The following LIPM variants were observed in gnomAD, a reference collection of about 807,000 sequenced individuals.
LIPM encodes the protein lipase member M.
In LIPM, 42 loss-of-function variants were observed where a neutral mutation model predicts 42.4. That is an observed-to-expected ratio of 0.99 (90% confidence interval 0.77 to 1.28). The LOEUF (loss-of-function observed/expected upper bound fraction) is 1.28, where lower values mean the gene tolerates loss of function less well. Among genes scored for constraint, LIPM ranks in the 50% most tolerant of loss-of-function variants. The pLI, the probability that LIPM is intolerant of heterozygous loss-of-function variation, is 0.00. For missense variants in LIPM, 524 were observed against 520.1 expected, an observed-to-expected ratio of 1.01 and a Z score of -0.07; for synonymous variants, 177 against 173.3, an observed-to-expected ratio of 1.02 and a Z score of -0.17.
chr10:88,808,244 T>G, intron 1 of LIPM, 54 bp from the exon 2 acceptor site: 62 of 990,004 alleles, frequency 6.3e-5, no homozygotes, highest in Non-Finnish European at 8.8e-5. Context: ...TTTGGATCAT[T>G]GAGAATATGG....
intron 1 of LIPM, among the ~76,000 whole-genome samples, chr10:88,807,365 C>T (rs2133051932): frequency 6.6e-6 from 1 of 152,166 alleles, no homozygotes; most frequent in East Asian, 1.9e-4. Flanking sequence ...TTGTTTTTGC[C>T]CTATATTCTA....
chr10:88,813,031 A>T, intron 2 of LIPM, 66 bp from the exon 3 acceptor site: 1 of 1,321,772 alleles, frequency 7.6e-7, no homozygotes, highest in African/African-American at 1.5e-5. Context: ...GAAAGCTCTT[A>T]TTCATTACTG....
chr10:88,815,041 T>C, intron 4 of LIPM, 47 bp from the exon 5 acceptor site: 2 of 1,494,064 alleles, frequency 1.3e-6, no homozygotes, highest in Non-Finnish European at 1.8e-6. Flanking sequence ...ATTTTATGAG[T>C]TCTAAAAATA....
At chr10:88,805,502 T>A (rs984337002) in intron 1 of LIPM, among the ~76,000 whole-genome samples, 4 of 152,206 alleles carry the variant, frequency 2.6e-5, no homozygotes, top group Non-Finnish European at 4.4e-5. Flanking sequence ...ATAGAAAATT[T>A]AAAAAATACA....
rs1275312442 is a variant in LIPM, at chr10:88,815,213, A to G, written c.700A>G (p.Met234Val). ...PGTKFLLLPD[M>V]MIKGLFGKKE... Reference sequence around the variant, plus strand: ...GACCAAATTTTTGTTGCTGCCAGATATGATGATCAAGGTATGAGACTCCTC... The same window carrying G: ...GACCAAATTTTTGTTGCTGCCAGATGTGATGATCAAGGTATGAGACTCCTC... Residue 234 changes from methionine (M) to valine (V), a missense_variant, in exon 5 of 9, where the codon ATG becomes GTG. Physicochemically the swap from Met to Val is conservative, Grantham distance 21. Transcript: ENST00000404743. The G allele has an allele frequency of 1.9e-6, 3 of 1,551,896 alleles. No individual in the cohort carries two copies. Among genetic ancestry groups the G allele is most frequent in the Admixed American group, 2.0e-5 (1 of 50,984 alleles).
chr10:88,810,892 T>G (rs112141895), intron 2 of LIPM, among the ~76,000 whole-genome samples: 4,072 of 152,274 alleles, frequency 0.027, 197 homozygotes, highest in African/African-American at 0.092. Flanking sequence ...TCACCTTGGT[T>G]TGATTGTCCT....
At chr10:88,813,368 C>T (rs1589315520) in intron 3 of LIPM, 73 bp downstream of exon 3, 1 of 1,250,464 alleles carries the variant, frequency 8.0e-7, no homozygotes. Flanking sequence ...ATTACGGCTT[C>T]TAGTATTTGG....
chr10:88,819,765 G>T (rs1448918410), intron 8 of LIPM, among the ~76,000 whole-genome samples: 2 of 152,184 alleles, frequency 1.3e-5, no homozygotes, highest in South Asian at 2.1e-4. Context: ...CTGCCTCAAA[G>T]GCTGCCTGGG....
chr10:88,817,985 G>A (rs1843738364), intron 8 of LIPM, 89 bp downstream of exon 8: 5 of 1,024,606 alleles, frequency 4.9e-6, no homozygotes, highest in Non-Finnish European at 7.3e-6. Context: ...CTAGATATGG[G>A]AATAAAATAT....
At chr10:88,807,087 T>A (rs1256038698) in intron 1 of LIPM, among the ~76,000 whole-genome samples, 1 of 152,198 alleles carries the variant, frequency 6.6e-6, no homozygotes, top group Non-Finnish European at 1.5e-5. Context: ...TGAGTTTTAA[T>A]TATAGTGGTA....
chr10:88,813,707 C>G (rs145793465), intron 3 of LIPM, among the ~76,000 whole-genome samples: 1 of 151,928 alleles, frequency 6.6e-6, no homozygotes, highest in Non-Finnish European at 1.5e-5. Context: ...AAGAACTGCC[C>G]GAGACTAAGT....
In LIPM at chr10:88,820,084, A is replaced by G. The variant is rs375499409; in HGVS notation, c.1003-148A>G. 114 of 632,184 alleles carry G rather than the reference A, an allele frequency of 1.8e-4. 1 individual carries two copies. In the African/African-American group the frequency reaches 1.8e-3, roughly 10 times the overall value. The allele number at this position is 632,184 out of a possible 1,614,324, so 39.2% of individuals were successfully genotyped here. A position where few individuals can be genotyped will look rare whatever the true frequency, so the allele number is the denominator to read the frequency against. On this transcript the variant is annotated intron_variant, in intron 8 of 8. Transcript: ENST00000404743. The stretch of plus-strand genomic sequence containing the variant: ...TTTACCTTAAAGTAAGGGCGGGAAC[A>G]GAAATTCTTAACAGAGTTGTGTGGC...
At chr10:88,818,316 T>C (rs748941894) in intron 8 of LIPM, among the ~76,000 whole-genome samples, 4 of 152,248 alleles carry the variant, frequency 2.6e-5, no homozygotes, top group Non-Finnish European at 4.4e-5. Flanking sequence ...GTTTTGCCTC[T>C]GCACTATAAA....
At chr10:88,805,525 A>T (rs939413983) in intron 1 of LIPM, among the ~76,000 whole-genome samples, 2 of 152,254 alleles carry the variant, frequency 1.3e-5, no homozygotes, top group Non-Finnish European at 2.9e-5. Context: ...AGAAGGCAAT[A>T]GTCACCAATG....
chr10:88,804,382 C>T (rs981126734), intron 1 of LIPM, among the ~76,000 whole-genome samples: 1 of 152,196 alleles, frequency 6.6e-6, no homozygotes, highest in South Asian at 2.1e-4. Context: ...TTGAATTGGG[C>T]TCTGCCTTTA....
At chr10:88,816,745 A>T in intron 6 of LIPM, 71 bp from the exon 7 acceptor site, 3 of 960,274 alleles carry the variant, frequency 3.1e-6, no homozygotes, top group Non-Finnish European at 3.3e-6. Flanking sequence ...CACCCTGGAG[A>T]TTTGGTCTTG....
chr10:88,804,284 C>G (rs781777788), intron 1 of LIPM, among the ~76,000 whole-genome samples: 4 of 152,122 alleles, frequency 2.6e-5, no homozygotes, highest in Non-Finnish European at 5.9e-5. Flanking sequence ...CAGTGGCAGA[C>G]AGAGATGATC....
chr10:88,808,680 G>A (rs575382767), intron 2 of LIPM, among the ~76,000 whole-genome samples: 11 of 151,970 alleles, frequency 7.2e-5, no homozygotes, highest in Admixed American at 4.6e-4. Context: ...TTATTTTAGC[G>A]CTTAACCCAT....
chr10:88,803,399 T>C (rs988758340), intron 1 of LIPM, among the ~76,000 whole-genome samples: 8 of 152,186 alleles, frequency 5.3e-5, no homozygotes, highest in Non-Finnish European at 1.0e-4. Flanking sequence ...TATTCTTTTA[T>C]TCTTTTTTTC....
Sources: allele counts gnomAD v4.1 joint callset (sites outside exome capture counted in the v4.1 genomes callset), GRCh38; gene constraint gnomAD v4.1.1; transcripts MANE v1.5; gene names NCBI Gene and HGNC (gene_info 2026-07-23, HGNC 2026-07-21).